The following PET117 variants were observed in gnomAD, a reference collection of about 807,000 sequenced individuals.
The protein encoded by PET117 is PET117 cytochrome c oxidase chaperone, also known as protein PET117 homolog, mitochondrial.
A neutral mutation model predicts 9.2 loss-of-function variants in PET117; 10 were observed. The ratio of observed to expected loss-of-function variants is 1.09; its 90% confidence interval spans 0.67 to 1.85. The LOEUF (loss-of-function observed/expected upper bound fraction) is 1.85. Among genes scored for constraint, PET117 ranks in the 40% most tolerant of loss-of-function variants. The pLI is 0.00. For synonymous variants in PET117, 43 were observed against 37.1 expected, an observed-to-expected ratio of 1.16 and a Z score of -0.57; for missense variants, 96 against 98.2, an observed-to-expected ratio of 0.98 and a Z score of 0.09.
chr20:18,141,081 G>A (rs1455878851), intron 1 of PET117, among the ~76,000 whole-genome samples: 3 of 115,518 alleles, frequency 2.6e-5, no homozygotes, highest in African/African-American at 6.7e-5. Flanking sequence ...ATTTTGCCAT[G>A]TTGCCCAGGC....
At chr20:18,138,784 T>G (rs2037404413) in intron 1 of PET117, among the ~76,000 whole-genome samples, 1 of 152,224 alleles carries the variant, frequency 6.6e-6, no homozygotes, top group South Asian at 2.1e-4. Context: ...ATATTTTCTT[T>G]CTTATTCAAG....
chr20:18,140,015 A>T (rs921914487), intron 1 of PET117, among the ~76,000 whole-genome samples: 3 of 152,338 alleles, frequency 2.0e-5, no homozygotes, highest in East Asian at 1.9e-4. Flanking sequence ...TGAGGGTCAC[A>T]GGAAGGATGT....
Position 18,143,131 on chromosome 20 carries a change from C to G in PET117, c.*774C>G. ...CCTCTATCACATTGTTAAATTAACACTTTTGGTGGTAACTCAATAAAATTG... is the reference window on the plus strand; with the variant it reads ...CCTCTATCACATTGTTAAATTAACAGTTTTGGTGGTAACTCAATAAAATTG... On this transcript the variant is annotated 3_prime_UTR_variant, in exon 2 of 2. Transcript: ENST00000432901. The G allele has an allele frequency of 7.7e-7, 1 of 1,297,528 alleles. No homozygotes were observed. The highest frequency in any genetic ancestry group is 9.8e-7 in the Non-Finnish European group (1 of 1,019,506). The allele number at this position is 1,297,528 out of a possible 1,614,324, so 80.4% of individuals were successfully genotyped here. A position where few individuals can be genotyped will look rare whatever the true frequency, so the allele number is the denominator to read the frequency against.
rs1454931502 is a variant in PET117, at chr20:18,142,677, A to G, written c.*320A>G. ...AAGGAAGGGATGGATAGTAGCATCC[A>G]CCTGAGTAGTCTGATCAGTCGGCAT... On this transcript the variant is annotated 3_prime_UTR_variant, in exon 2 of 2. Coordinates refer to ENST00000432901, the MANE Select transcript of PET117 (RefSeq NM_001164811.2). The G allele has an allele frequency of 3.7e-6, 6 of 1,614,218 alleles. No homozygotes were observed. Among genetic ancestry groups the G allele is most frequent in the Non-Finnish European group, 5.1e-6 (6 of 1,180,040 alleles).
chr20:18,143,131 CTT>C lies in PET117; in HGVS notation c.*777_*778del. Reference sequence around the variant, plus strand: ...CCTCTATCACATTGTTAAATTAACACTTTTGGTGGTAACTCAATAAAATTGAG... The same window carrying C: ...CCTCTATCACATTGTTAAATTAACACTTGGTGGTAACTCAATAAAATTGAG... On this transcript the variant is annotated 3_prime_UTR_variant, in exon 2 of 2. Transcript: ENST00000432901. 1.5e-6 allele frequency: 2 copies of C among 1,297,528 alleles called. No individual in the cohort carries two copies. The highest frequency in any genetic ancestry group is 2.0e-6 in the Non-Finnish European group (2 of 1,019,506). 80.4% of individuals were successfully genotyped at this position (1,297,528 alleles called of 1,614,324 possible).
At chr20:18,139,454 A>G (rs989519688) in intron 1 of PET117, among the ~76,000 whole-genome samples, 18 of 152,176 alleles carry the variant, frequency 1.2e-4, no homozygotes, top group African/African-American at 2.7e-4. Context: ...AGTTTTTACA[A>G]TGTGACTAAG....
intron 1 of PET117, among the ~76,000 whole-genome samples, chr20:18,141,370 C>T (rs987845969): frequency 6.6e-5 from 10 of 152,046 alleles, no homozygotes; most frequent in Non-Finnish European, 1.3e-4. Context: ...TAGCATCCTT[C>T]TTTTTCTTCT....
chr20:18,139,635 TGTGTGTG>T (rs962601824), intron 1 of PET117, among the ~76,000 whole-genome samples: 3 of 22,056 alleles, frequency 1.4e-4, no homozygotes, highest in Non-Finnish European at 1.6e-4. Context: ...CAAAATAACG[TGTGTGTG>T]TGTGTGTGTG....
chr20:18,138,939 G>A (rs1305792431), intron 1 of PET117, among the ~76,000 whole-genome samples: 1 of 152,220 alleles, frequency 6.6e-6, no homozygotes, highest in Admixed American at 6.5e-5. Context: ...TGAATTTTCA[G>A]AAAACAACTT....
intron 1 of PET117, among the ~76,000 whole-genome samples, chr20:18,140,638 C>T (rs1350855128): frequency 4.0e-5 from 6 of 151,454 alleles, no homozygotes; most frequent in Admixed American, 6.6e-5. Flanking sequence ...GGTGAAACCC[C>T]GTCTCTACTA....
chr20:18,137,896 T>TGCG lies in PET117; in HGVS notation c.-54_-52dup. The TGCG allele has an allele frequency of 7.0e-7, 1 of 1,433,748 alleles. No homozygotes were observed. The highest frequency in any genetic ancestry group is 9.1e-7 in the Non-Finnish European group (1 of 1,097,720). The allele number at this position is 1,433,748 out of a possible 1,614,324, so 88.8% of individuals were successfully genotyped here. Reference sequence around the variant, plus strand: ...GCAGTACAGGCGGCGGTGCGCACTCTGCGGCGGCCTCTGCGCCTCGGGCGG... The same window carrying TGCG: ...GCAGTACAGGCGGCGGTGCGCACTCTGCGGCGGCGGCCTCTGCGCCTCGGGCGG... On this transcript the variant is annotated 5_prime_UTR_variant, in exon 1 of 2. Coordinates refer to ENST00000432901, the MANE Select transcript of PET117 (RefSeq NM_001164811.2).
At position 18,142,432 on chromosome 20, in the gene PET117, A is replaced by G; in HGVS notation, c.*75A>G. Reference sequence around the variant, plus strand: ...TGTTGATGGAGAGTAGCTTAGTAGTATCTTCATCTTTTTTTTTGGTCACTG... The same window carrying G: ...TGTTGATGGAGAGTAGCTTAGTAGTGTCTTCATCTTTTTTTTTGGTCACTG... On this transcript the variant is annotated 3_prime_UTR_variant, in exon 2 of 2. Coordinates refer to ENST00000432901, the MANE Select transcript of PET117 (RefSeq NM_001164811.2). 7.0e-7 allele frequency: 1 copy of G among 1,430,028 alleles called. No homozygotes were observed. Among genetic ancestry groups the G allele is most frequent in the South Asian group, 1.4e-5 (1 of 70,654 alleles). 88.6% of individuals were successfully genotyped at this position (1,430,028 alleles called of 1,614,324 possible).
At chr20:18,142,169 G>A in intron 1 of PET117, 39 bp from the exon 2 acceptor site, 1 of 1,528,024 alleles carries the variant, frequency 6.5e-7, no homozygotes, top group South Asian at 1.2e-5. Context: ...GGGACCACCT[G>A]TTCGGGATGT....
At chr20:18,139,632 A>AGGTG (rs1203664163) in intron 1 of PET117, among the ~76,000 whole-genome samples, 30 of 99,862 alleles carry the variant, frequency 3.0e-4, no homozygotes, top group South Asian at 1.9e-3. Context: ...AACCAAAATA[A>AGGTG]CGTGTGTGTG....
rs375777965 is a variant in PET117, at chr20:18,142,717, G to A, written c.*360G>A. On this transcript the variant is annotated 3_prime_UTR_variant, in exon 2 of 2. Coordinates refer to ENST00000432901, the MANE Select transcript of PET117 (RefSeq NM_001164811.2). ...TCAGTCGGCATGATGACGAAGCCACGAGAACATCGACCTCAGAAGGACTGG... is the reference window on the plus strand; with the variant it reads ...TCAGTCGGCATGATGACGAAGCCACAAGAACATCGACCTCAGAAGGACTGG... 37 of 1,614,066 alleles carry A rather than the reference G, an allele frequency of 2.3e-5. No homozygotes were observed. The African/African-American group carries it at 2.7e-4, about 12-fold the overall frequency.
intron 1 of PET117, among the ~76,000 whole-genome samples, chr20:18,141,825 G>A (rs1176748831): frequency 1.1e-4 from 16 of 152,134 alleles, no homozygotes; most frequent in African/African-American, 3.4e-4. Context: ...TGGAGGTTGC[G>A]GTGAGCTGCG....
rs193240214 is a variant in PET117, at chr20:18,142,507, C to G, written c.*150C>G. On this transcript the variant is annotated 3_prime_UTR_variant, in exon 2 of 2. Coordinates refer to ENST00000432901, the MANE Select transcript of PET117 (RefSeq NM_001164811.2). ...GGACAGTGGGTCATATAAGTTACTG[C>G]TTTCAGGGTCCCTTATATCTGAATA... The G allele has an allele frequency of 2.3e-5, 33 of 1,459,534 alleles. No homozygotes were observed. The African/African-American group carries it at 4.7e-4, about 21-fold the overall frequency. 90.4% of individuals were successfully genotyped at this position (1,459,534 alleles called of 1,614,324 possible).
intron 1 of PET117, 95 bp from the exon 2 acceptor site, chr20:18,142,113 T>C: frequency 1.6e-6 from 2 of 1,261,054 alleles, no homozygotes; most frequent in East Asian, 5.2e-5. Flanking sequence ...AAGTTTTAAG[T>C]ATATTTTGGT....
At chr20:18,142,150 A>G in intron 1 of PET117, 58 bp from the exon 2 acceptor site, 4 of 1,494,920 alleles carry the variant, frequency 2.7e-6, no homozygotes, top group Non-Finnish European at 3.6e-6. Context: ...TTTGAATGGC[A>G]CAAGGATGGG....
Sources: gnomAD v4.1 joint callset for allele counts (sites outside exome capture counted in the v4.1 genomes callset) on GRCh38, gnomAD v4.1.1 for gene constraint, MANE v1.5 for transcripts, NCBI Gene and HGNC (gene_info 2026-07-23, HGNC 2026-07-21) for gene names.